Variants in IRAG1 observed in about 807,000 individuals in gnomAD.
IRAG1 encodes inositol 1,4,5-triphosphate receptor associated 1.
In IRAG1, 62 loss-of-function variants were observed where a neutral mutation model predicts 106.2. The observed-to-expected ratio is 0.58, with a 90% CI of 0.48 to 0.72. The LOEUF (loss-of-function observed/expected upper bound fraction) is 0.72. Among genes scored for constraint, IRAG1 ranks in the 30% least tolerant of loss-of-function variants. The probability of loss-of-function intolerance (pLI) is 0.00; values close to 1 mark genes in which losing one functional copy is unlikely to be tolerated. For missense variants in IRAG1, 1,064 were observed against 1,140.7 expected, an observed-to-expected ratio of 0.93 and a Z score of 0.97; for synonymous variants, 462 against 443.9, an observed-to-expected ratio of 1.04 and a Z score of -0.51.
chr11:10,636,986 T>C (rs933733910), intron 2 of IRAG1, among the ~76,000 whole-genome samples: 1 of 152,212 alleles, frequency 6.6e-6, no homozygotes, highest in African/African-American at 2.4e-5. Flanking sequence ...AATAAGAGAT[T>C]GAGCCAGCTT....
At chr11:10,607,859 C>CA (rs1003016258) in intron 11 of IRAG1, among the ~76,000 whole-genome samples, 5 of 152,324 alleles carry the variant, frequency 3.3e-5, no homozygotes, top group African/African-American at 1.2e-4. Flanking sequence ...ACGGGACAAA[C>CA]AGCTGCAGGG....
intron 1 of IRAG1, among the ~76,000 whole-genome samples, chr11:10,652,930 AC>A (rs1858637504): frequency 6.6e-6 from 1 of 151,896 alleles, no homozygotes; most frequent in African/African-American, 2.4e-5. Flanking sequence ...CCCTGTGCCC[AC>A]CCCTGGCAAC....
chr11:10,580,008 G>A (rs183835783), intron 20 of IRAG1, among the ~76,000 whole-genome samples: 15 of 152,308 alleles, frequency 9.8e-5, no homozygotes, highest in South Asian at 4.1e-4. Flanking sequence ...CCTCTATTCC[G>A]TGTGTCCTCC....
At chr11:10,600,677 T>C (rs1228671301) in intron 15 of IRAG1, among the ~76,000 whole-genome samples, 1 of 152,232 alleles carries the variant, frequency 6.6e-6, no homozygotes, top group Non-Finnish European at 1.5e-5. Context: ...GGTCAGCCAC[T>C]GTGATTTATT....
chr11:10,671,110 C>T lies in IRAG1; in HGVS notation c.68-18928G>A, dbSNP rs550080950. 1.5e-4 allele frequency among the ~76,000 whole-genome samples: 23 copies of T among 152,288 alleles called. 1 individual carries two copies. In the South Asian group the frequency reaches 4.8e-3, roughly 32 times the overall value. On this transcript the variant is annotated intron_variant, in intron 1 of 20. Transcript: ENST00000423302. ...TTGCTTTAGTATTTTTCCAGGCTAACCACAAAACTCCTTTCAGAACCTTTC... is the reference window on the plus strand; with the variant it reads ...TTGCTTTAGTATTTTTCCAGGCTAATCACAAAACTCCTTTCAGAACCTTTC...
At chr11:10,691,833 A>G (rs565316079) in intron 1 of IRAG1, among the ~76,000 whole-genome samples, 1 of 152,220 alleles carries the variant, frequency 6.6e-6, no homozygotes, top group African/African-American at 2.4e-5. Context: ...CATGGAGGTC[A>G]AGAGCAGAGC....
chr11:10,652,160 C>T lies in IRAG1; in HGVS notation c.90G>A (p.Trp30Ter), dbSNP rs1332778592. 6.2e-7 allele frequency: 1 copy of T among 1,613,762 alleles called. No individual in the cohort carries two copies. The highest frequency in any genetic ancestry group is 1.7e-5 in the Admixed American group (1 of 59,992). ...SVLACGAQAS[W>*]SIFGADAAEV... ...CCGCTGCGTCAGCCCCAAAGATGCT[C>T]CAAGAGGCCTGGGCTCCACAGGCTG... Residue 30 changes from tryptophan (W) to a stop codon, truncating the protein, a stop_gained, in exon 2 of 21, where the codon TGG becomes TGA. Transcript: ENST00000423302. LOFTEE classifies it high-confidence loss of function.
At chr11:10,681,343 A>G (rs1197455682) in intron 1 of IRAG1, among the ~76,000 whole-genome samples, 1 of 152,244 alleles carries the variant, frequency 6.6e-6, no homozygotes, top group Non-Finnish European at 1.5e-5. Context: ...TTAATAAAAA[A>G]GAGAATAAAT....
chr11:10,582,091 A>G, intron 18 of IRAG1, 105 bp from the exon 19 acceptor site: 2 of 1,352,602 alleles, frequency 1.5e-6, no homozygotes, highest in Non-Finnish European at 2.0e-6. Context: ...GAGGAAACTC[A>G]GGCTTTTTCA....
At chr11:10,643,405 G>A (rs1303827260) in intron 2 of IRAG1, among the ~76,000 whole-genome samples, 1 of 152,106 alleles carries the variant, frequency 6.6e-6, no homozygotes, top group Non-Finnish European at 1.5e-5. Context: ...CTCTGCCTCT[G>A]GTGGATCCTC....
intron 1 of IRAG1, among the ~76,000 whole-genome samples, chr11:10,689,868 T>G (rs4909947): frequency 0.48 from 72,262 of 152,036 alleles, 17,751 homozygotes; most frequent in Middle Eastern, 0.57. Flanking sequence ...TGAGGAATGG[T>G]ATTCTAGAGG....
At chr11:10,577,217 G>C (rs1362371665) in intron 20 of IRAG1, among the ~76,000 whole-genome samples, 1 of 152,228 alleles carries the variant, frequency 6.6e-6, no homozygotes, top group Non-Finnish European at 1.5e-5. Context: ...TGGGTGGTTT[G>C]TTCATGATGT....
intron 2 of IRAG1, among the ~76,000 whole-genome samples, chr11:10,640,714 A>G (rs1284969871): frequency 6.6e-6 from 1 of 152,192 alleles, no homozygotes; most frequent in Non-Finnish European, 1.5e-5. Context: ...CAGGCCTTCA[A>G]GAAAGCTTGG....
chr11:10,648,536 G>A (rs1305815562), intron 2 of IRAG1, among the ~76,000 whole-genome samples: 1 of 152,106 alleles, frequency 6.6e-6, no homozygotes, highest in African/African-American at 2.4e-5. Context: ...ATGTGACCTG[G>A]GATTCTTCTA....
At position 10,681,174 on chromosome 11, in the gene IRAG1, C is replaced by T. The variant is rs183473792; in HGVS notation, c.67+12362G>A. On this transcript the variant is annotated intron_variant, in intron 1 of 20. Coordinates refer to ENST00000423302, the MANE Select transcript of IRAG1 (RefSeq NM_130385.4). Reference sequence around the variant, plus strand: ...GAAATCTTGTCCTTTTGTCACCACCCACTACTCCTGTAGGGCATACTCATC... The same window carrying T: ...GAAATCTTGTCCTTTTGTCACCACCTACTACTCCTGTAGGGCATACTCATC... Among the ~76,000 whole-genome samples the T allele has an allele frequency of 8.1e-4, 124 of 152,248 alleles. 1 individual carries two copies. Among genetic ancestry groups the T allele is most frequent in the African/African-American group, 2.7e-3 (112 of 41,542 alleles).
chr11:10,663,949 T>A (rs1859591168), intron 1 of IRAG1, among the ~76,000 whole-genome samples: 1 of 152,246 alleles, frequency 6.6e-6, no homozygotes, highest in Non-Finnish European at 1.5e-5. Context: ...GAGTCAGGAT[T>A]AAACACTGGG....
intron 1 of IRAG1, among the ~76,000 whole-genome samples, chr11:10,654,008 T>G (rs1182966245): frequency 6.6e-6 from 1 of 152,010 alleles, no homozygotes; most frequent in Non-Finnish European, 1.5e-5. Flanking sequence ...ACATGGTGGG[T>G]GGGGGTGGAG....
chr11:10,682,362 T>A (rs1412411595), intron 1 of IRAG1, among the ~76,000 whole-genome samples: 3 of 152,254 alleles, frequency 2.0e-5, no homozygotes, highest in Non-Finnish European at 1.5e-5. Flanking sequence ...AAGCAACTTT[T>A]GTGCTTTATA....
intron 1 of IRAG1, among the ~76,000 whole-genome samples, chr11:10,675,899 G>A (rs1860615343): frequency 6.6e-6 from 1 of 152,160 alleles, no homozygotes; most frequent in South Asian, 2.1e-4. Flanking sequence ...CCTACCCACT[G>A]ATCGACCACG....
Sources: allele counts gnomAD v4.1 joint callset (sites outside exome capture counted in the v4.1 genomes callset), GRCh38; gene constraint gnomAD v4.1.1; transcripts MANE v1.5; gene names NCBI Gene and HGNC (gene_info 2026-07-23, HGNC 2026-07-21).